RGS6: variants seen among roughly 807,000 people sequenced by gnomAD.
RGS6 encodes regulator of G-protein signaling 6.
A neutral mutation model predicts 78.5 loss-of-function variants in RGS6; 30 were observed. The ratio of observed to expected loss-of-function variants is 0.38; its 90% CI spans 0.29 to 0.52. RGS6 has a LOEUF of 0.52. Among genes scored for constraint, RGS6 ranks in the 20% least tolerant of loss-of-function variants. The pLI is 0.85. For missense variants in RGS6, 495 were observed against 609.7 expected (o/e 0.81, Z 1.98); for synonymous variants, 206 against 206.0 (o/e 1.00, Z 0.00).
At chr14:72,064,332 C>A (rs1352234947) in intron 2 of RGS6, among the ~76,000 whole-genome samples, 1 of 152,090 alleles carries the variant, frequency 6.6e-6, no homozygotes, top group African/African-American at 2.4e-5. Flanking sequence ...TGTTGACAGG[C>A]ATGAGAGGGA....
At chr14:72,140,444 A>G (rs1304086727) in intron 2 of RGS6, among the ~76,000 whole-genome samples, 1 of 152,190 alleles carries the variant, frequency 6.6e-6, no homozygotes, top group African/African-American at 2.4e-5. Flanking sequence ...CAAGATGTTA[A>G]TGGGTTAGAA....
chr14:72,064,753 G>A (rs560085186), intron 2 of RGS6, among the ~76,000 whole-genome samples: 1 of 152,276 alleles, frequency 6.6e-6, no homozygotes, highest in Non-Finnish European at 1.5e-5. Flanking sequence ...GAGATCGTTG[G>A]ATAGATGTCA....
intron 2 of RGS6, among the ~76,000 whole-genome samples, chr14:72,096,792 C>T (rs748694518): frequency 5.9e-5 from 9 of 152,284 alleles, no homozygotes; most frequent in Middle Eastern, 3.4e-3. Context: ...ATCCACTTTC[C>T]GTTGGTTGTG....
intron 17 of RGS6, chr14:72,540,471 C>T: frequency 1.3e-6 from 2 of 1,539,130 alleles, no homozygotes; most frequent in South Asian, 2.4e-5. Context: ...AATAAATTGG[C>T]TCAGAACCAT....
rs550904606 is a variant in RGS6, at chr14:72,284,759, T to C, written c.85-67336T>C. Among the ~76,000 whole-genome samples, 4 of 152,182 alleles carry C rather than the reference T, an allele frequency of 2.6e-5. No individual in the cohort carries two copies. The South Asian group carries it at 6.2e-4, about 24-fold the overall frequency. On this transcript the variant is annotated intron_variant, in intron 2 of 17. Coordinates refer to ENST00000553525, the MANE Select transcript of RGS6 (RefSeq NM_001204424.2). ...GAATGGTAGATCCACTAACAGCTTGTATCGTATGCCTGGAAAAGCCACAAA... is the reference window on the plus strand; with the variant it reads ...GAATGGTAGATCCACTAACAGCTTGCATCGTATGCCTGGAAAAGCCACAAA...
chr14:72,556,753 A>AT (rs1299946747), intron 17 of RGS6, among the ~76,000 whole-genome samples: 2 of 152,192 alleles, frequency 1.3e-5, no homozygotes, highest in Non-Finnish European at 1.5e-5. Context: ...CAAATTTATT[A>AT]TTTTTTAAAC....
chr14:72,612,664 G>C, the RGS6 span: 19 of 511,208 alleles, frequency 3.7e-5, 1 homozygote, highest in Admixed American at 3.7e-4. Flanking sequence ...AACCAAGTCC[G>C]TATAAACCAC....
intron 2 of RGS6, among the ~76,000 whole-genome samples, chr14:72,100,275 T>A (rs1196634297): frequency 1.3e-5 from 2 of 151,996 alleles, no homozygotes; most frequent in Admixed American, 1.3e-4. Context: ...GAGGCTTAGG[T>A]GGCCAGATCA....
At chr14:72,078,331 C>T (rs2094670389) in intron 2 of RGS6, among the ~76,000 whole-genome samples, 1 of 152,180 alleles carries the variant, frequency 6.6e-6, no homozygotes, top group South Asian at 2.1e-4. Context: ...ACTTCCTGTA[C>T]AGCCTGCAGA....
chr14:72,415,437 T>C (rs1202464338), intron 3 of RGS6, among the ~76,000 whole-genome samples: 1 of 152,256 alleles, frequency 6.6e-6, no homozygotes, highest in Non-Finnish European at 1.5e-5. Context: ...GTTCCGTCTG[T>C]CACCCCTTTC....
At chr14:72,195,186 C>T (rs1413062259) in intron 2 of RGS6, among the ~76,000 whole-genome samples, 8 of 150,578 alleles carry the variant, frequency 5.3e-5, no homozygotes, top group South Asian at 2.1e-4. Context: ...CCGGCCTGGG[C>T]GACAGAGTGA....
intron 2 of RGS6, among the ~76,000 whole-genome samples, chr14:72,181,001 T>C (rs1451810898): frequency 6.6e-6 from 1 of 152,242 alleles, no homozygotes; most frequent in Admixed American, 6.5e-5. Flanking sequence ...AAAGCTCTTA[T>C]ATTATAACTC....
intron 12 of RGS6, among the ~76,000 whole-genome samples, chr14:72,492,862 C>T (rs765400245): frequency 2.6e-5 from 4 of 152,238 alleles, no homozygotes; most frequent in Non-Finnish European, 4.4e-5. Flanking sequence ...CATTTGCAAG[C>T]TGTCTATGGC....
At chr14:72,508,131 A>G (rs12586412) in intron 13 of RGS6, among the ~76,000 whole-genome samples, 64,129 of 151,886 alleles carry the variant, frequency 0.42, 14,782 homozygotes, top group East Asian at 0.8. Context: ...GGGTTAGTCT[A>G]CCACCATGAC....
intron 2 of RGS6, among the ~76,000 whole-genome samples, chr14:72,330,743 C>T (rs1211844524): frequency 6.6e-6 from 1 of 152,152 alleles, no homozygotes; most frequent in Non-Finnish European, 1.5e-5. Flanking sequence ...ACAGCAGGCC[C>T]CTTGTGGGAC....
intron 2 of RGS6, among the ~76,000 whole-genome samples, chr14:72,074,820 A>C (rs1226392812): frequency 1.3e-5 from 2 of 152,110 alleles, no homozygotes; most frequent in Non-Finnish European, 2.9e-5. Flanking sequence ...TTGCATTTGG[A>C]GATCATATTC....
intron 2 of RGS6, among the ~76,000 whole-genome samples, chr14:71,981,939 C>T (rs1441038254): frequency 2.6e-5 from 4 of 151,712 alleles, no homozygotes; most frequent in South Asian, 2.1e-4. Context: ...ATCAGCGAGA[C>T]TCCGTGGGCG....
intron 2 of RGS6, among the ~76,000 whole-genome samples, chr14:72,084,603 CAGG>C (rs2094950902): frequency 1.3e-5 from 2 of 152,300 alleles, no homozygotes; most frequent in South Asian, 4.1e-4. Flanking sequence ...TTTCTCCCTT[CAGG>C]AGAACTCATG....
intron 2 of RGS6, among the ~76,000 whole-genome samples, chr14:72,296,107 A>T (rs2064765473): frequency 6.6e-6 from 1 of 152,230 alleles, no homozygotes; most frequent in Non-Finnish European, 1.5e-5. Context: ...AAATGGAATC[A>T]TACCATATGT....
Sources: gnomAD v4.1 joint callset for allele counts (sites outside exome capture counted in the v4.1 genomes callset) on GRCh38, gnomAD v4.1.1 for gene constraint, MANE v1.5 for transcripts, NCBI Gene and HGNC (gene_info 2026-07-23, HGNC 2026-07-21) for gene names.